KLHL32: variants seen among roughly 807,000 people sequenced by gnomAD.
KLHL32 encodes kelch-like protein 32.
A neutral mutation model predicts 64.8 loss-of-function variants in KLHL32; 35 were observed. That is an observed-to-expected ratio of 0.54 (90% confidence interval 0.41 to 0.72). KLHL32 has a LOEUF of 0.72. Among genes scored for constraint, KLHL32 ranks in the 30% least tolerant of loss-of-function variants. The probability of loss-of-function intolerance (pLI) is 0.00; values close to 1 mark genes in which losing one functional copy is unlikely to be tolerated. For missense variants in KLHL32, 589 were observed against 768.5 expected (o/e 0.77, Z 2.76); for synonymous variants, 259 against 281.0 (o/e 0.92, Z 0.78).
intron 3 of KLHL32, among the ~76,000 whole-genome samples, chr6:97,038,913 A>G (rs1478239749): frequency 1.3e-5 from 2 of 151,778 alleles, no homozygotes; most frequent in East Asian, 1.9e-4. Flanking sequence ...CAACATGGTG[A>G]AACCCCGCTC....
intron 3 of KLHL32, among the ~76,000 whole-genome samples, chr6:96,990,141 T>C (rs1201576821): frequency 6.6e-6 from 1 of 152,142 alleles, no homozygotes; most frequent in Non-Finnish European, 1.5e-5. Context: ...ACTAGTGCAG[T>C]TGTTTGGAGA....
At chr6:96,990,691 C>T (rs1379923803) in intron 3 of KLHL32, among the ~76,000 whole-genome samples, 5 of 150,548 alleles carry the variant, frequency 3.3e-5, no homozygotes, top group South Asian at 4.2e-4. Flanking sequence ...CAGAGAAATA[C>T]GGAGCTGCTA....
chr6:96,950,122 T>A (rs975256301), intron 1 of KLHL32, among the ~76,000 whole-genome samples: 47 of 152,126 alleles, frequency 3.1e-4, no homozygotes, highest in African/African-American at 1.0e-3. Flanking sequence ...AGTTTTGATA[T>A]CTCAAAGTTG....
the KLHL32 span, among the ~76,000 whole-genome samples, chr6:96,904,235 A>C: frequency 6.6e-6 from 1 of 151,428 alleles, no homozygotes; most frequent in East Asian, 1.9e-4. Flanking sequence ...CCAGCTGCTC[A>C]GGAGGCTGAG....
chr6:97,118,578 C>T (rs1798047334), intron 7 of KLHL32, among the ~76,000 whole-genome samples: 1 of 145,312 alleles, frequency 6.9e-6, no homozygotes, highest in Admixed American at 6.9e-5. Context: ...GAGGTCACAC[C>T]ACTGCACTCC....
chr6:97,089,550 G>A (rs188394123), intron 6 of KLHL32, among the ~76,000 whole-genome samples: 10 of 152,184 alleles, frequency 6.6e-5, no homozygotes, highest in Non-Finnish European at 1.3e-4. Flanking sequence ...AGGCTGAGGC[G>A]GGCAGATCAC....
chr6:96,973,207 A>G (rs978656959), intron 2 of KLHL32, among the ~76,000 whole-genome samples: 1 of 152,154 alleles, frequency 6.6e-6, no homozygotes, highest in African/African-American at 2.4e-5. Context: ...CAGCATCACT[A>G]TTGTTTAAAA....
At chr6:96,979,328 GA>G (rs1450668070) in intron 3 of KLHL32, among the ~76,000 whole-genome samples, 1 of 152,154 alleles carries the variant, frequency 6.6e-6, no homozygotes, top group Admixed American at 6.5e-5. Flanking sequence ...CCTGGTGAAA[GA>G]AAAGGGTCTA....
chr6:97,125,881 G>A (rs1798818180), intron 7 of KLHL32, among the ~76,000 whole-genome samples: 1 of 152,164 alleles, frequency 6.6e-6, no homozygotes, highest in African/African-American at 2.4e-5. Context: ...GGACTTTAAG[G>A]AAGATATTAT....
intron 3 of KLHL32, among the ~76,000 whole-genome samples, chr6:97,032,777 A>G (rs563381440): frequency 6.6e-6 from 1 of 152,336 alleles, no homozygotes; most frequent in East Asian, 1.9e-4. Flanking sequence ...AATTTCTTTC[A>G]GGTTCTTTCA....
intron 4 of KLHL32, among the ~76,000 whole-genome samples, chr6:97,045,167 TA>T (rs1260684751): frequency 6.6e-6 from 1 of 152,114 alleles, no homozygotes; most frequent in Non-Finnish European, 1.5e-5. Context: ...AAGTAGAAAG[TA>T]TAACAGGAGA....
chr6:96,938,112 A>G (rs1280632954), intron 1 of KLHL32, among the ~76,000 whole-genome samples: 1 of 152,226 alleles, frequency 6.6e-6, no homozygotes, highest in Non-Finnish European at 1.5e-5. Context: ...TAAAGCCCCT[A>G]GGAGTTGACT....
At chr6:96,914,289 C>A in the KLHL32 span, among the ~76,000 whole-genome samples, 53 of 152,126 alleles carry the variant, frequency 3.5e-4, no homozygotes, top group African/African-American at 1.2e-3. Context: ...TTGTTTCAAG[C>A]CTCTGTACTT....
At chr6:97,107,261 C>G (rs1796543841) in intron 6 of KLHL32, among the ~76,000 whole-genome samples, 1 of 150,262 alleles carries the variant, frequency 6.7e-6, no homozygotes, top group Non-Finnish European at 1.5e-5. Flanking sequence ...CCACTGCAGT[C>G]CGGCCTGGGC....
chr6:97,111,683 G>A (rs1165046910), intron 6 of KLHL32, among the ~76,000 whole-genome samples: 3 of 152,198 alleles, frequency 2.0e-5, no homozygotes, highest in Admixed American at 2.0e-4. Context: ...TAACAGCTCA[G>A]TGGAGGGTCA....
intron 6 of KLHL32, among the ~76,000 whole-genome samples, chr6:97,108,802 A>C (rs1796743805): frequency 6.6e-6 from 1 of 152,252 alleles, no homozygotes; most frequent in Admixed American, 6.5e-5. Context: ...GTCTCAAAAA[A>C]TGCTACCTCA....
At chr6:96,992,572 T>G (rs1167353559) in intron 3 of KLHL32, among the ~76,000 whole-genome samples, 2 of 152,214 alleles carry the variant, frequency 1.3e-5, no homozygotes, top group African/African-American at 2.4e-5. Flanking sequence ...CATTTGTGTA[T>G]GTGTGAGAGA....
At chr6:97,060,024 C>A (rs925822066) in intron 4 of KLHL32, among the ~76,000 whole-genome samples, 9 of 152,126 alleles carry the variant, frequency 5.9e-5, no homozygotes, top group African/African-American at 2.2e-4. Context: ...CTTGCAAAAG[C>A]GTGTTGTTCA....
intron 6 of KLHL32, among the ~76,000 whole-genome samples, chr6:97,097,800 A>C (rs1795194005): frequency 6.6e-6 from 1 of 152,188 alleles, no homozygotes; most frequent in Non-Finnish European, 1.5e-5. Flanking sequence ...AGTATAAACG[A>C]CAGGGATACT....
Sources: allele counts gnomAD v4.1 joint callset (sites outside exome capture counted in the v4.1 genomes callset), GRCh38; gene constraint gnomAD v4.1.1; transcripts MANE v1.5; gene names NCBI Gene and HGNC (gene_info 2026-07-23, HGNC 2026-07-21).